Variants in FKBP5 observed in about 807,000 individuals in gnomAD.
The protein encoded by FKBP5 is FKBP prolyl isomerase 5.
A neutral mutation model predicts 50.5 loss-of-function variants in FKBP5; 23 were observed. The observed-to-expected ratio is 0.46, with a 90% confidence interval of 0.33 to 0.65. The LOEUF (loss-of-function observed/expected upper bound fraction) is 0.65, where lower values mean the gene tolerates loss of function less well. FKBP5 is among the 30% of genes least tolerant of loss of function. The pLI is 0.02. For missense variants in FKBP5, 411 were observed against 553.1 expected (o/e 0.74, Z 2.58); for synonymous variants, 176 against 190.6 (o/e 0.92, Z 0.63).
chr6:35,727,124 G>A (rs1234110347), intron 1 of FKBP5, among the ~76,000 whole-genome samples: 1 of 152,190 alleles, frequency 6.6e-6, no homozygotes, highest in African/African-American at 2.4e-5. Flanking sequence ...ATGAGAAATG[G>A]CACAGCAAAC....
rs144936910 is a variant in FKBP5 at position 35,586,382 on chromosome 6, G to T, written c.840+652C>A. On this transcript the variant is annotated intron_variant, in intron 8 of 10. Coordinates refer to ENST00000357266, the MANE Select transcript of FKBP5 (RefSeq NM_004117.4). ...GCAGGAATCATCTTGGCCATTAGAAGCAATCAATACTCTCCTGTCAGTTTG... is the reference window on the plus strand; with the variant it reads ...GCAGGAATCATCTTGGCCATTAGAATCAATCAATACTCTCCTGTCAGTTTG... 92 of 985,138 alleles carry T rather than the reference G, an allele frequency of 9.3e-5. No individual in the cohort carries two copies. In the African/African-American group the frequency reaches 1.5e-3, roughly 16 times the overall value. 61.0% of individuals were successfully genotyped at this position (985,138 alleles called of 1,614,324 possible).
intron 8 of FKBP5, chr6:35,582,594 T>C (rs74550485): frequency 0.017 from 15,427 of 900,410 alleles, 218 homozygotes; most frequent in African/African-American, 0.058. Flanking sequence ...CACCTTGATC[T>C]GGGACTTACA....
At chr6:35,581,628 C>T in intron 8 of FKBP5, 1 of 985,372 alleles carries the variant, frequency 1.0e-6, no homozygotes, top group South Asian at 4.7e-5. Flanking sequence ...AAAACCCCTC[C>T]AGGGCTGAGA....
chr6:35,681,202 T>C (rs1253867090), intron 1 of FKBP5, among the ~76,000 whole-genome samples: 1 of 152,184 alleles, frequency 6.6e-6, no homozygotes, highest in African/African-American at 2.4e-5. Flanking sequence ...TACTATAAAA[T>C]CTTAAGTTTG....
chr6:35,610,309 A>C (rs1763450059), intron 5 of FKBP5, among the ~76,000 whole-genome samples: 1 of 152,028 alleles, frequency 6.6e-6, no homozygotes, highest in African/African-American at 2.4e-5. Context: ...GTTCACACCT[A>C]TAATCTCAGC....
chr6:35,702,864 T>C (rs1296732589), intron 2 of FKBP5, among the ~76,000 whole-genome samples: 1 of 152,194 alleles, frequency 6.6e-6, no homozygotes, highest in Non-Finnish European at 1.5e-5. Context: ...AAAATCTCTG[T>C]GACTTTGTGT....
At chr6:35,688,403 C>T (rs1249726124) in intron 1 of FKBP5, among the ~76,000 whole-genome samples, 1 of 152,088 alleles carries the variant, frequency 6.6e-6, no homozygotes, top group Non-Finnish European at 1.5e-5. Context: ...GAGCCGGGGG[C>T]CAGAGACCGG....
intron 8 of FKBP5, chr6:35,584,192 C>T: frequency 9.1e-6 from 9 of 985,418 alleles, no homozygotes; most frequent in Non-Finnish European, 1.1e-5. Context: ...ATGCTGTTAC[C>T]TGTACTTAAT....
chr6:35,684,904 G>C (rs970180666), intron 1 of FKBP5, among the ~76,000 whole-genome samples: 1 of 151,986 alleles, frequency 6.6e-6, no homozygotes, highest in Non-Finnish European at 1.5e-5. Context: ...GTGTGGTGGT[G>C]TGTGCCTGTA....
chr6:35,646,109 C>G (rs1764622261), intron 1 of FKBP5, among the ~76,000 whole-genome samples: 2 of 152,070 alleles, frequency 1.3e-5, no homozygotes, highest in African/African-American at 2.4e-5. Flanking sequence ...GAGCAAGACT[C>G]TTTCTCAAAA....
At chr6:35,721,420 T>C (rs1170473413) in intron 1 of FKBP5, among the ~76,000 whole-genome samples, 1 of 152,220 alleles carries the variant, frequency 6.6e-6, no homozygotes, top group African/African-American at 2.4e-5. Context: ...ACTTGATTTT[T>C]TTATTTAAAA....
intron 1 of FKBP5, among the ~76,000 whole-genome samples, chr6:35,672,697 G>A (rs987483624): frequency 2.0e-5 from 3 of 151,682 alleles, no homozygotes; most frequent in Non-Finnish European, 2.9e-5. Context: ...AGGCTGAGGC[G>A]GGCGGATCAC....
intron 1 of FKBP5, among the ~76,000 whole-genome samples, chr6:35,656,046 C>T (rs1764937110): frequency 6.6e-6 from 1 of 152,170 alleles, no homozygotes; most frequent in African/African-American, 2.4e-5. Flanking sequence ...GAGACGCAGA[C>T]AGAAAAACCC....
At chr6:35,609,866 A>G (rs1224264624) in intron 5 of FKBP5, among the ~76,000 whole-genome samples, 1 of 152,084 alleles carries the variant, frequency 6.6e-6, no homozygotes. Context: ...TGACTTATGA[A>G]TCTGATGTCC....
chr6:35,640,547 C>T (rs1764455775), intron 2 of FKBP5, among the ~76,000 whole-genome samples: 1 of 152,062 alleles, frequency 6.6e-6, no homozygotes. Flanking sequence ...CACTGGACAC[C>T]TAGACTACAT....
chr6:35,581,802 T>C (rs1762440752), intron 8 of FKBP5: 1 of 985,332 alleles, frequency 1.0e-6, no homozygotes, highest in African/African-American at 1.7e-5. Flanking sequence ...CAGCCAGACC[T>C]ATTAGGACAT....
At chr6:35,642,626 A>T (rs773277854) in intron 2 of FKBP5, 94 bp downstream of exon 2, 1 of 903,240 alleles carries the variant, frequency 1.1e-6, no homozygotes, top group Non-Finnish European at 1.7e-6. Context: ...AACCATCAAT[A>T]AACATTATCC....
intron 2 of FKBP5, among the ~76,000 whole-genome samples, chr6:35,705,945 A>G (rs886172693): frequency 6.6e-6 from 1 of 152,186 alleles, no homozygotes; most frequent in African/African-American, 2.4e-5. Flanking sequence ...CCCCGTCTCT[A>G]CTAAAAATAC....
chr6:35,634,384 T>G (rs560758543), intron 3 of FKBP5, among the ~76,000 whole-genome samples: 1 of 152,284 alleles, frequency 6.6e-6, no homozygotes, highest in South Asian at 2.1e-4. Flanking sequence ...AAGACTGTAT[T>G]TGATTTTTAC....
Sources: allele counts gnomAD v4.1 joint callset (sites outside exome capture counted in the v4.1 genomes callset), GRCh38; gene constraint gnomAD v4.1.1; transcripts MANE v1.5; gene names NCBI Gene and HGNC (gene_info 2026-07-23, HGNC 2026-07-21).